The following SDK1 variants were observed in gnomAD, a reference collection of about 807,000 sequenced individuals.
SDK1 encodes sidekick cell adhesion molecule 1.
SDK1 carries 157 observed loss-of-function variants against 245.5 expected under a neutral mutation model. The observed-to-expected ratio is 0.64, with a 90% confidence interval of 0.56 to 0.73. SDK1 has a LOEUF of 0.73. SDK1 is among the 30% of genes least tolerant of loss of function. SDK1 has a pLI of 0.00. For missense variants in SDK1, 3,583 were observed against 3,002.3 expected (o/e 1.19, Z -4.52); for synonymous variants, 1,647 against 1,278.5 (o/e 1.29, Z -6.15).
chr7:3,501,573 C>G (rs1235437047), intron 1 of SDK1, among the ~76,000 whole-genome samples: 4 of 152,082 alleles, frequency 2.6e-5, no homozygotes, highest in Admixed American at 6.6e-5. Context: ...CAACAGAATT[C>G]TAAGTAGATG....
At chr7:4,074,886 GTATATATATA>G (rs1240017364) in intron 20 of SDK1, among the ~76,000 whole-genome samples, 109 of 48,058 alleles carry the variant, frequency 2.3e-3, no homozygotes, top group Admixed American at 2.8e-3. Context: ...CTCTCTCTCT[GTATATATATA>G]TATATATATA....
At chr7:4,031,784 T>C (rs1787836631) in intron 17 of SDK1, among the ~76,000 whole-genome samples, 1 of 152,056 alleles carries the variant, frequency 6.6e-6, no homozygotes, top group African/African-American at 2.4e-5. Flanking sequence ...CCCAGCACTT[T>C]GGGAGGCCGA....
chr7:4,018,312 C>G (rs1262134717), intron 17 of SDK1, among the ~76,000 whole-genome samples: 3 of 152,212 alleles, frequency 2.0e-5, no homozygotes, highest in African/African-American at 7.2e-5. Context: ...TGCCTGAGAC[C>G]TAATGTTCCT....
intron 38 of SDK1, 33 bp from the exon 39 acceptor site, chr7:4,220,076 C>A (rs11978573): frequency 1.9e-6 from 3 of 1,601,910 alleles, no homozygotes; most frequent in Non-Finnish European, 2.6e-6. Flanking sequence ...CCAGGCTGAA[C>A]CCCCTTGTTT....
intron 1 of SDK1, among the ~76,000 whole-genome samples, chr7:3,355,425 C>T (rs1780763820): frequency 6.6e-6 from 1 of 152,186 alleles, no homozygotes; most frequent in South Asian, 2.1e-4. Context: ...AAGCAGTCTT[C>T]CTGCTGCCTC....
At chr7:3,928,974 G>T (rs1374859271) in intron 5 of SDK1, among the ~76,000 whole-genome samples, 1 of 152,192 alleles carries the variant, frequency 6.6e-6, no homozygotes, top group African/African-American at 2.4e-5. Context: ...CATAAAACCT[G>T]TCTCACTAGA....
chr7:3,800,555 G>A (rs1779082789), intron 4 of SDK1, among the ~76,000 whole-genome samples: 1 of 151,916 alleles, frequency 6.6e-6, no homozygotes, highest in African/African-American at 2.4e-5. Context: ...CTAATTTTTT[G>A]TATTTTTACT....
intron 35 of SDK1, among the ~76,000 whole-genome samples, chr7:4,190,082 T>C (rs1783104410): frequency 1.3e-5 from 2 of 152,206 alleles, no homozygotes; most frequent in South Asian, 2.1e-4. Flanking sequence ...TTAAAAGGCT[T>C]CAGTGACGCC....
chr7:3,552,146 C>G (rs1024037067), intron 1 of SDK1, among the ~76,000 whole-genome samples: 4 of 152,026 alleles, frequency 2.6e-5, no homozygotes, highest in East Asian at 1.9e-4. Context: ...TCATGCCATT[C>G]TCTGCCTCAG....
At chr7:4,040,484 G>A (rs556756235) in intron 17 of SDK1, among the ~76,000 whole-genome samples, 7 of 152,212 alleles carry the variant, frequency 4.6e-5, no homozygotes, top group Non-Finnish European at 8.8e-5. Context: ...TCAAGGACCC[G>A]GACACACAAG....
At chr7:3,377,218 A>C (rs921099492) in intron 1 of SDK1, among the ~76,000 whole-genome samples, 4 of 152,114 alleles carry the variant, frequency 2.6e-5, no homozygotes, top group African/African-American at 9.7e-5. Flanking sequence ...TGTTTCTCCC[A>C]GGGTTTGTGG....
intron 41 of SDK1, among the ~76,000 whole-genome samples, 181 bp downstream of exon 41, chr7:4,233,600 C>A (rs573259212): frequency 6.6e-6 from 1 of 152,098 alleles, no homozygotes; most frequent in South Asian, 2.1e-4. Flanking sequence ...TCGAGGGGGA[C>A]CCTGGGAGGT....
chr7:3,498,958 G>A (rs1329876707), intron 1 of SDK1, among the ~76,000 whole-genome samples: 1 of 152,108 alleles, frequency 6.6e-6, no homozygotes, highest in African/African-American at 2.4e-5. Context: ...TATTGATCTG[G>A]CACTAACTTT....
At chr7:4,177,718 G>C (rs1248549619) in intron 34 of SDK1, among the ~76,000 whole-genome samples, 1 of 152,184 alleles carries the variant, frequency 6.6e-6, no homozygotes, top group Non-Finnish European at 1.5e-5. Context: ...GTTTTGGGAG[G>C]ATTCAAGTGC....
chr7:3,552,234 T>G (rs1234390246), intron 1 of SDK1, among the ~76,000 whole-genome samples: 1 of 152,144 alleles, frequency 6.6e-6, no homozygotes, highest in African/African-American at 2.4e-5. Flanking sequence ...AGACGGGGTT[T>G]CACTGTATTA....
At chr7:3,618,704 C>T (rs927175718) in intron 1 of SDK1, among the ~76,000 whole-genome samples, 1 of 152,208 alleles carries the variant, frequency 6.6e-6, no homozygotes, top group African/African-American at 2.4e-5. Flanking sequence ...GAGGAAACTT[C>T]TCTTTTATAG....
chr7:3,677,350 T>G (rs1245815074), intron 4 of SDK1, among the ~76,000 whole-genome samples: 7 of 152,324 alleles, frequency 4.6e-5, no homozygotes, highest in African/African-American at 1.7e-4. Flanking sequence ...TACCCAAGAC[T>G]GGGTAATTTA....
At position 4,210,117 on chromosome 7, in the gene SDK1, C is replaced by T. The variant is rs956157891; in HGVS notation, c.5494C>T (p.Leu1832=). ...WGEPAAANGI[L]QGYRVVYEPL... ...CGAGCCTGCGGCGGCCAACGGCATC[C>T]TGCAGGGCTATCGGGTGGTGTACGA... Residue 1832 remains leucine, a synonymous_variant, in exon 38 of 45, where the codon CTG becomes TTG. Transcript: ENST00000404826. The T allele has an allele frequency of 6.2e-7, 1 of 1,609,302 alleles. No individual in the cohort carries two copies. The highest frequency in any genetic ancestry group is 1.3e-5 in the African/African-American group (1 of 74,842).
chr7:3,737,327 C>A (rs545672225), intron 4 of SDK1, among the ~76,000 whole-genome samples: 2 of 152,196 alleles, frequency 1.3e-5, no homozygotes, highest in African/African-American at 4.8e-5. Context: ...TGTGCTCTGC[C>A]GCTAGGCAGT....
Sources: gnomAD v4.1 joint callset for allele counts (sites outside exome capture counted in the v4.1 genomes callset) on GRCh38, gnomAD v4.1.1 for gene constraint, MANE v1.5 for transcripts, NCBI Gene and HGNC (gene_info 2026-07-23, HGNC 2026-07-21) for gene names.